SLC4A10: variants seen among roughly 807,000 people sequenced by gnomAD.
The protein encoded by SLC4A10 is sodium-driven chloride bicarbonate exchanger.
In SLC4A10, 42 loss-of-function variants were observed where a neutral mutation model predicts 137.7. The observed-to-expected ratio is 0.30, with a 90% CI of 0.24 to 0.39. SLC4A10 has a LOEUF of 0.39. Ranked by LOEUF, SLC4A10 falls within the 10% of genes least tolerant of loss-of-function variation. The pLI is 1.00. For synonymous variants in SLC4A10, 474 were observed against 464.1 expected (o/e 1.02, Z -0.27); for missense variants, 925 against 1,355.0 (o/e 0.68, Z 4.98).
intron 15 of SLC4A10, 24 bp downstream of exon 15, chr2:161,905,911 C>A (rs370349037): frequency 3.4e-5 from 53 of 1,556,542 alleles, no homozygotes; most frequent in Non-Finnish European, 4.3e-5. Context: ...CCCCTGCTGG[C>A]CTTGGGGCTT....
At chr2:161,693,755 C>T (rs1445766843) in intron 1 of SLC4A10, among the ~76,000 whole-genome samples, 3 of 150,084 alleles carry the variant, frequency 2.0e-5, no homozygotes, top group South Asian at 2.1e-4. Context: ...ATTTCACTTA[C>T]CAAAATGCCC....
intron 2 of SLC4A10, among the ~76,000 whole-genome samples, chr2:161,786,038 T>C (rs1559245909): frequency 2.0e-5 from 3 of 151,946 alleles, no homozygotes; most frequent in Non-Finnish European, 4.4e-5. Flanking sequence ...TCCACTGTTA[T>C]TGTATATCTG....
At chr2:161,833,779 G>A (rs1275176877) in intron 3 of SLC4A10, among the ~76,000 whole-genome samples, 1 of 152,190 alleles carries the variant, frequency 6.6e-6, no homozygotes, top group Non-Finnish European at 1.5e-5. Flanking sequence ...ATCAAGGTAT[G>A]TGATAGACCT....
intron 2 of SLC4A10, among the ~76,000 whole-genome samples, chr2:161,773,044 T>A (rs2051850777): frequency 6.6e-6 from 1 of 151,886 alleles, no homozygotes; most frequent in Non-Finnish European, 1.5e-5. Context: ...GTAATTCATC[T>A]TCTGTTTGGT....
At chr2:161,707,031 T>A (rs989747362) in intron 1 of SLC4A10, among the ~76,000 whole-genome samples, 1 of 151,526 alleles carries the variant, frequency 6.6e-6, no homozygotes, top group Non-Finnish European at 1.5e-5. Flanking sequence ...AAAGAATGAA[T>A]ATAGAAAGAG....
intron 1 of SLC4A10, among the ~76,000 whole-genome samples, chr2:161,753,912 C>G (rs1040304854): frequency 3.0e-5 from 4 of 131,214 alleles, no homozygotes; most frequent in Non-Finnish European, 5.1e-5. Context: ...ATTTTTGGGA[C>G]AGAGCCTTGC....
intron 5 of SLC4A10, 134 bp from the exon 6 acceptor site, chr2:161,862,740 T>A: frequency 1.5e-6 from 1 of 654,036 alleles, no homozygotes; most frequent in Non-Finnish European, 2.3e-6. Flanking sequence ...GCTTAGAGAT[T>A]TTTTAAAGAA....
At chr2:161,645,486 T>C (rs1055140684) in intron 1 of SLC4A10, among the ~76,000 whole-genome samples, 1 of 151,968 alleles carries the variant, frequency 6.6e-6, no homozygotes, top group Non-Finnish European at 1.5e-5. Context: ...CTGATATTTT[T>C]CCCCAGTTTT....
chr2:161,658,785 T>G (rs1190942049), intron 1 of SLC4A10, among the ~76,000 whole-genome samples: 1 of 152,030 alleles, frequency 6.6e-6, no homozygotes, highest in African/African-American at 2.4e-5. Context: ...GAGATGGGGT[T>G]TCACCTTTTT....
chr2:161,641,120 A>T (rs1257401224), intron 1 of SLC4A10, among the ~76,000 whole-genome samples: 1 of 152,156 alleles, frequency 6.6e-6, no homozygotes, highest in Admixed American at 6.6e-5. Context: ...TTTTAAGAGC[A>T]AAGTTGAAAG....
chr2:161,819,992 T>C (rs935470309), intron 3 of SLC4A10, among the ~76,000 whole-genome samples: 8 of 152,130 alleles, frequency 5.3e-5, no homozygotes. Context: ...CTGAAAAGAA[T>C]CTAATAGAAA....
chr2:161,818,282 G>C (rs992786135), intron 3 of SLC4A10, among the ~76,000 whole-genome samples: 1 of 152,104 alleles, frequency 6.6e-6, no homozygotes, highest in Admixed American at 6.6e-5. Flanking sequence ...CTCTCTGTTT[G>C]TCTGTTATTG....
At chr2:161,660,576 C>CTTTATTTA (rs1363518065) in intron 1 of SLC4A10, among the ~76,000 whole-genome samples, 1 of 127,056 alleles carries the variant, frequency 7.9e-6, no homozygotes, top group Non-Finnish European at 1.8e-5. Context: ...TTCTTTCTTT[C>CTTTATTTA]TTTCTTTCTT....
rs146784349 is a variant in SLC4A10 at position 161,746,187 on chromosome 2, T to C, written c.49-24786T>C. The stretch of plus-strand genomic sequence containing the variant: ...CCTTTCAGTGCAGCATGTTCCCTTC[T>C]GACCCATGGTGGATCTAGAAATGCC... On this transcript the variant is annotated intron_variant, in intron 1 of 26. Transcript: ENST00000446997. Among the ~76,000 whole-genome samples, 351 of 152,220 alleles carry C rather than the reference T, an allele frequency of 2.3e-3. 1 individual carries two copies. The highest frequency in any genetic ancestry group is 7.9e-3 in the African/African-American group (329 of 41,536).
At chr2:161,630,777 T>A (rs905189599) in intron 1 of SLC4A10, among the ~76,000 whole-genome samples, 7 of 151,786 alleles carry the variant, frequency 4.6e-5, no homozygotes, top group Non-Finnish European at 8.9e-5. Context: ...ATCCTCATGA[T>A]AATCCTGAAA....
At chr2:161,738,413 T>C (rs1017826265) in intron 1 of SLC4A10, among the ~76,000 whole-genome samples, 2 of 152,116 alleles carry the variant, frequency 1.3e-5, no homozygotes, top group South Asian at 2.1e-4. Context: ...AGAGGATTTA[T>C]GGACAGAAAA....
chr2:161,860,391 A>G (rs1402964464), intron 5 of SLC4A10, among the ~76,000 whole-genome samples: 1 of 152,164 alleles, frequency 6.6e-6, no homozygotes, highest in African/African-American at 2.4e-5. Flanking sequence ...TGTAGGGTTT[A>G]TTATGTGATT....
intron 3 of SLC4A10, among the ~76,000 whole-genome samples, chr2:161,819,111 A>G (rs1292828299): frequency 6.6e-6 from 1 of 152,230 alleles, no homozygotes; most frequent in Non-Finnish European, 1.5e-5. Flanking sequence ...TATGAGACCC[A>G]ATCATAGAAT....
At chr2:161,719,080 A>ATTCTT (rs1488960214) in intron 1 of SLC4A10, among the ~76,000 whole-genome samples, 1 of 151,374 alleles carries the variant, frequency 6.6e-6, no homozygotes, top group African/African-American at 2.4e-5. Context: ...CAGTCCCCAG[A>ATTCTT]GTGTGATGTT....
Sources: gnomAD v4.1 joint callset for allele counts (sites outside exome capture counted in the v4.1 genomes callset) on GRCh38, gnomAD v4.1.1 for gene constraint, MANE v1.5 for transcripts, NCBI Gene and HGNC (gene_info 2026-07-23, HGNC 2026-07-21) for gene names.